The following ENAH variants were observed in gnomAD, a reference collection of about 807,000 sequenced individuals.
ENAH encodes ENAH actin regulator.
A neutral mutation model predicts 78.7 loss-of-function variants in ENAH; 23 were observed. That is an observed-to-expected ratio of 0.29 (90% CI 0.21 to 0.41). ENAH has a LOEUF of 0.41. Among genes scored for constraint, ENAH ranks in the 10% least tolerant of loss-of-function variants. ENAH has a pLI of 1.00. For missense variants in ENAH, 544 were observed against 691.0 expected, an observed-to-expected ratio of 0.79 and a Z score of 2.39; for synonymous variants, 226 against 241.0, an observed-to-expected ratio of 0.94 and a Z score of 0.58.
At chr1:225,576,625 A>G (rs1268123058) in intron 1 of ENAH, among the ~76,000 whole-genome samples, 1 of 152,192 alleles carries the variant, frequency 6.6e-6, no homozygotes, top group Non-Finnish European at 1.5e-5. Flanking sequence ...CACTAAAGAA[A>G]AAGCTTTACA....
At chr1:225,537,880 G>A (rs953080505) in intron 3 of ENAH, among the ~76,000 whole-genome samples, 7 of 152,058 alleles carry the variant, frequency 4.6e-5, no homozygotes, top group African/African-American at 1.7e-4. Context: ...AGTGGAAAAC[G>A]ACAGGCTGTT....
At chr1:225,508,394 C>G (rs2096350679) in intron 10 of ENAH, 1 of 153,694 alleles carries the variant, frequency 6.5e-6, no homozygotes, top group Non-Finnish European at 1.4e-5. Flanking sequence ...ATTACCGACA[C>G]TGTTTTAAAT....
At chr1:225,600,577 G>C (rs902228549) in intron 1 of ENAH, among the ~76,000 whole-genome samples, 1 of 152,120 alleles carries the variant, frequency 6.6e-6, no homozygotes, top group Admixed American at 6.5e-5. Context: ...GTTAGAGAAG[G>C]CTGAGAATAG....
chr1:225,500,864 T>G (rs2096278300), intron 12 of ENAH, 128 bp downstream of exon 12: 2 of 874,424 alleles, frequency 2.3e-6, no homozygotes, highest in African/African-American at 3.4e-5. Flanking sequence ...TGCCACTGTT[T>G]AATTTGTATA....
chr1:225,558,096 T>C (rs551648882), intron 2 of ENAH, among the ~76,000 whole-genome samples: 8 of 152,322 alleles, frequency 5.3e-5, no homozygotes, highest in African/African-American at 1.7e-4. Flanking sequence ...TATAAATCTC[T>C]AGATTTTTGT....
At chr1:225,615,534 C>T (rs1265168687) in intron 1 of ENAH, among the ~76,000 whole-genome samples, 2 of 151,544 alleles carry the variant, frequency 1.3e-5, no homozygotes, top group African/African-American at 2.4e-5. Context: ...CCCCTCTTCC[C>T]GGCCGCCCAG....
intron 1 of ENAH, among the ~76,000 whole-genome samples, chr1:225,584,309 G>A (rs945592417): frequency 6.6e-6 from 1 of 152,168 alleles, no homozygotes; most frequent in Non-Finnish European, 1.5e-5. Context: ...CTAGAGAGTT[G>A]CAAGGTTTCT....
intron 2 of ENAH, among the ~76,000 whole-genome samples, chr1:225,561,163 A>T: frequency 6.6e-6 from 1 of 151,712 alleles, no homozygotes; most frequent in Admixed American, 6.6e-5. Flanking sequence ...GAACCAGGGA[A>T]GTCAGGCTGC....
rs1327707931 is a variant in ENAH, at chr1:225,603,057, A to C, written c.6-35643T>G. ...AACAGTAAGAGATATGAGCACAAAAACAAATACCCAAATAGAACTAAATGA... is the reference window on the plus strand; with the variant it reads ...AACAGTAAGAGATATGAGCACAAAACCAAATACCCAAATAGAACTAAATGA... On this transcript the variant is annotated intron_variant, in intron 1 of 13. Coordinates refer to ENST00000366843, the MANE Select transcript of ENAH (RefSeq NM_018212.6). 2.0e-5 allele frequency among the ~76,000 whole-genome samples: 3 copies of C among 152,218 alleles called. No individual in the cohort carries two copies. The East Asian group carries it at 5.8e-4, about 29-fold the overall frequency.
At chr1:225,507,823 G>C in intron 11 of ENAH, 128 bp downstream of exon 11, 1 of 562,412 alleles carries the variant, frequency 1.8e-6, no homozygotes, top group Non-Finnish European at 3.0e-6. Context: ...TCCAATACTA[G>C]GAGGATCACG....
chr1:225,564,702 G>C (rs2151493550), intron 2 of ENAH, among the ~76,000 whole-genome samples: 1 of 152,222 alleles, frequency 6.6e-6, no homozygotes, highest in Admixed American at 6.5e-5. Flanking sequence ...GTCCCAAAAA[G>C]CTGGGATTAC....
chr1:225,523,569 G>T (rs1019107121), intron 4 of ENAH, among the ~76,000 whole-genome samples: 2 of 152,052 alleles, frequency 1.3e-5, no homozygotes, highest in African/African-American at 4.8e-5. Context: ...TTGTTCTGAA[G>T]GTAAGAAAAG....
At chr1:225,540,786 C>G (rs1030303003) in intron 3 of ENAH, among the ~76,000 whole-genome samples, 2 of 151,604 alleles carry the variant, frequency 1.3e-5, no homozygotes, top group Non-Finnish European at 2.9e-5. Context: ...TTAGCCATTA[C>G]TTTTCACTAT....
intron 10 of ENAH, among the ~76,000 whole-genome samples, chr1:225,510,082 G>C (rs1364732116): frequency 6.6e-6 from 1 of 152,124 alleles, no homozygotes; most frequent in Admixed American, 6.5e-5. Flanking sequence ...TGTACCATGA[G>C]TTTTTTTGGG....
chr1:225,615,716 G>A (rs1345638669), intron 1 of ENAH, among the ~76,000 whole-genome samples: 1 of 149,960 alleles, frequency 6.7e-6, no homozygotes, highest in Non-Finnish European at 1.5e-5. Context: ...GAACTGAGGA[G>A]TGTCTCTGCC....
At chr1:225,565,484 CTTTT>C (rs1394641638) in intron 2 of ENAH, among the ~76,000 whole-genome samples, 2 of 151,898 alleles carry the variant, frequency 1.3e-5, no homozygotes, top group Non-Finnish European at 2.9e-5. Context: ...TTCAAATATT[CTTTT>C]TTGTTTCTCT....
chr1:225,497,639 G>T lies in ENAH; in HGVS notation c.*136C>A. The T allele has an allele frequency of 1.5e-6, 1 of 683,806 alleles. No homozygotes were observed. Among genetic ancestry groups the T allele is most frequent in the Non-Finnish European group, 2.4e-6 (1 of 421,504 alleles). The allele number at this position is 683,806 out of a possible 1,614,324, so 42.4% of individuals were successfully genotyped here. On this transcript the variant is annotated 3_prime_UTR_variant, in exon 14 of 14. Transcript: ENST00000366843. The stretch of plus-strand genomic sequence containing the variant: ...TGTCTGAAGGCTTTCAGAGTAGGTT[G>T]GTTTTTCCCTCCTTCTGTTTGTCTC...
Position 225,491,992 on chromosome 1 carries a change from T to A in ENAH, c.*5783A>T, listed in dbSNP as rs1162250471. ...GGTTGTCATTTGTATATAGAACTTT[T>A]ACGGAATAAATGTAGTCTAACAAAC... On this transcript the variant is annotated 3_prime_UTR_variant, in exon 14 of 14. Coordinates refer to ENST00000366843, the MANE Select transcript of ENAH (RefSeq NM_018212.6). 6.6e-6 allele frequency: 1 copy of A among 152,216 alleles called. No homozygotes were observed. Among genetic ancestry groups the A allele is most frequent in the Non-Finnish European group, 1.5e-5 (1 of 68,028 alleles). The allele number at this position is 152,216 out of a possible 1,614,324, so 9.4% of individuals were successfully genotyped here. A position where few individuals can be genotyped will look rare whatever the true frequency, so the allele number is the denominator to read the frequency against.
intron 1 of ENAH, among the ~76,000 whole-genome samples, chr1:225,632,008 T>C (rs1659174832): frequency 6.6e-6 from 1 of 152,218 alleles, no homozygotes; most frequent in Non-Finnish European, 1.5e-5. Flanking sequence ...AGGTAACTAG[T>C]AACAATTCAC....
Sources: gnomAD v4.1 joint callset for allele counts (sites outside exome capture counted in the v4.1 genomes callset) on GRCh38, gnomAD v4.1.1 for gene constraint, MANE v1.5 for transcripts, NCBI Gene and HGNC (gene_info 2026-07-23, HGNC 2026-07-21) for gene names.